The following GPM6B variants were observed in gnomAD, a reference collection of about 807,000 sequenced individuals.
GPM6B encodes the protein neuronal membrane glycoprotein M6-b.
A neutral mutation model predicts 27.2 loss-of-function variants in GPM6B; 4 were observed. The ratio of observed to expected loss-of-function variants is 0.15; its 90% confidence interval spans 0.07 to 0.34. The LOEUF (loss-of-function observed/expected upper bound fraction) is 0.34. Among genes scored for constraint, GPM6B ranks in the 10% least tolerant of loss-of-function variants. The pLI is 1.00. For missense variants in GPM6B, 183 were observed against 261.9 expected (o/e 0.70, Z 2.08); for synonymous variants, 124 against 103.1 (o/e 1.20, Z -1.23).
chrX:13,818,335 G>C (rs986411545), upstream of GPM6B, among the ~76,000 whole-genome samples: 1 of 111,355 alleles, frequency 9.0e-6, no homozygotes, highest in Non-Finnish European at 1.9e-5. Flanking sequence ...AGACAAGTTG[G>C]AGACCACCCT....
At chrX:13,905,223 CCT>C (rs2147049692) in intron 1 of GPM6B, among the ~76,000 whole-genome samples, 1 of 70,584 alleles carries the variant, frequency 1.4e-5, no homozygotes, top group Non-Finnish European at 2.5e-5. Context: ...AGAGTGAGGC[CCT>C]GTCTCAAAAA....
At chrX:13,792,222 C>G (rs2048726045) in intron 2 of GPM6B, among the ~76,000 whole-genome samples, 1 of 111,313 alleles carries the variant, frequency 9.0e-6, no homozygotes, top group African/African-American at 3.3e-5. Flanking sequence ...GTTGCCAAAG[C>G]TGGGGGAGAG....
rs761891419 is a variant in GPM6B at position 13,877,824 on chromosome X, CAAAAA to C, written c.-198+60498_-198+60502del. 8.3e-3 allele frequency among the ~76,000 whole-genome samples: 229 copies of C among 27,462 alleles called. 2 individuals are homozygous for C. Among genetic ancestry groups the C allele is most frequent in the African/African-American group, 0.041 (222 of 5,451 alleles). 23.8% of individuals were successfully genotyped at this position (27,462 alleles called of 115,157 possible). On this transcript the variant is annotated intron_variant, in intron 1 of 6. Coordinates refer to the GPM6B transcript ENST00000398361. ...CCTGGGCATTAGAGCCAGACTCTGC[CAAAAA>C]AAAAAAAAAAAAAAAAAAAAAATTC...
Position 13,912,853 on chromosome X carries a change from T to C in GPM6B, c.-198+25474A>G, listed in dbSNP as rs1447177981. ...AAAATGACTCCCCATATGGTTACTA[T>C]AGGAAGAAAATTACAAATTTCCAGT... On this transcript the variant is annotated intron_variant, in intron 1 of 6. Transcript: ENST00000398361. Among the ~76,000 whole-genome samples the C allele has an allele frequency of 7.1e-5, 8 of 112,092 alleles. No individual in the cohort carries two copies. In the East Asian group the frequency reaches 2.2e-3, roughly 31 times the overall value.
At chrX:13,901,436 TTA>T (rs1491431705) in intron 1 of GPM6B, among the ~76,000 whole-genome samples, 6 of 63,697 alleles carry the variant, frequency 9.4e-5, no homozygotes, top group East Asian at 2.2e-3. Flanking sequence ...GTTTTTTTTT[TTA>T]AAAAAAAAGG....
At chrX:13,929,336 G>T (rs1479225637) in intron 1 of GPM6B, among the ~76,000 whole-genome samples, 1 of 110,670 alleles carries the variant, frequency 9.0e-6, no homozygotes, top group Non-Finnish European at 1.9e-5. Flanking sequence ...TATCGAGATG[G>T]TTTAGGCACC....
Position 13,856,787 on chromosome X carries a change from C to A in GPM6B, c.-197-70979G>T, listed in dbSNP as rs183214404. Among the ~76,000 whole-genome samples, 4 of 107,958 alleles carry A rather than the reference C, an allele frequency of 3.7e-5. No homozygotes were observed. The East Asian group carries it at 1.2e-3, about 31-fold the overall frequency. The allele number at this position is 107,958 out of a possible 115,157, so 93.7% of individuals were successfully genotyped here. On this transcript the variant is annotated intron_variant, in intron 1 of 6. Coordinates refer to the GPM6B transcript ENST00000398361. ...CGATCATAGCTCACTGCAGCCTTGA[C>A]CTCCTGGGCTCATGCAATCCCCCTG... is the stretch of plus-strand genomic sequence containing the variant.
intron 1 of GPM6B, among the ~76,000 whole-genome samples, chrX:13,862,261 T>C (rs2049861427): frequency 8.9e-6 from 1 of 111,829 alleles, no homozygotes; most frequent in African/African-American, 3.3e-5. Context: ...CCTTGCTTCC[T>C]GGAAGCAAGG....
intron 1 of GPM6B, among the ~76,000 whole-genome samples, chrX:13,842,903 C>T (rs2049595922): frequency 1.8e-5 from 2 of 111,548 alleles, no homozygotes; most frequent in South Asian, 3.8e-4. Context: ...GAAGCCAAAA[C>T]TCATTTTTTT....
intron 1 of GPM6B, among the ~76,000 whole-genome samples, chrX:13,824,153 GC>G (rs2049344467): frequency 8.9e-6 from 1 of 111,919 alleles, no homozygotes; most frequent in Non-Finnish European, 1.9e-5. Flanking sequence ...AGCATCCCTG[GC>G]CTCTACTCAG....
intron 2 of GPM6B, among the ~76,000 whole-genome samples, chrX:13,805,673 C>T (rs2049008954): frequency 8.9e-6 from 1 of 112,478 alleles, no homozygotes; most frequent in African/African-American, 3.2e-5. Context: ...CAGGGAACTG[C>T]TCAACAAGTG....
chrX:13,813,098 G>A (rs2049168412), intron 1 of GPM6B, among the ~76,000 whole-genome samples: 1 of 110,968 alleles, frequency 9.0e-6, no homozygotes, highest in African/African-American at 3.3e-5. Context: ...ATATAGCCAA[G>A]TTAGAAAATG....
At chrX:13,794,841 G>A (rs905016500) in intron 2 of GPM6B, among the ~76,000 whole-genome samples, 3 of 112,046 alleles carry the variant, frequency 2.7e-5, no homozygotes, top group Admixed American at 1.9e-4. Context: ...ACAAACCAGC[G>A]TGTGACAGTG....
At chrX:13,804,440 A>C (rs1349954391) in intron 2 of GPM6B, among the ~76,000 whole-genome samples, 1 of 104,015 alleles carries the variant, frequency 9.6e-6, no homozygotes, top group Non-Finnish European at 2.0e-5. Context: ...GGGCGGGGGT[A>C]GCCCATGTGG....
intron 7 of GPM6B, among the ~76,000 whole-genome samples, chrX:13,775,267 T>G (rs751339286): frequency 4.9e-4 from 55 of 113,043 alleles, no homozygotes; most frequent in African/African-American, 1.5e-3. Flanking sequence ...AAGATTCATT[T>G]GTAATCCTTA....
At chrX:13,783,960 G>A (rs768788867) in intron 3 of GPM6B, 2 of 295,571 alleles carry the variant, frequency 6.8e-6, no homozygotes. Context: ...CAGGCCTAGT[G>A]GTTAATGTCA....
intron 1 of GPM6B, among the ~76,000 whole-genome samples, chrX:13,825,580 A>C (rs1353115346): frequency 8.9e-6 from 1 of 112,894 alleles, no homozygotes; most frequent in Non-Finnish European, 1.9e-5. Flanking sequence ...AGGACTTGGC[A>C]AAGGCCACTG....
intron 1 of GPM6B, among the ~76,000 whole-genome samples, chrX:13,877,325 G>A (rs952107398): frequency 1.8e-5 from 2 of 111,921 alleles, no homozygotes; most frequent in Non-Finnish European, 3.8e-5. Flanking sequence ...AACTTGACAA[G>A]GATAGTGAAG....
At chrX:13,889,980 C>T (rs766867053) in intron 1 of GPM6B, among the ~76,000 whole-genome samples, 2 of 111,357 alleles carry the variant, frequency 1.8e-5, no homozygotes, top group East Asian at 5.6e-4. Flanking sequence ...CTATTAGCTA[C>T]GTGCTATTGT....
Sources: allele counts gnomAD v4.1 joint callset (sites outside exome capture counted in the v4.1 genomes callset), GRCh38; gene constraint gnomAD v4.1.1; transcripts MANE v1.5; gene names NCBI Gene and HGNC (gene_info 2026-07-23, HGNC 2026-07-21).